TMEM74: variants seen among roughly 807,000 people sequenced by gnomAD.
The protein encoded by TMEM74 is transmembrane protein 74.
Under a neutral mutation model 18.1 loss-of-function variants are expected in TMEM74, and 13 were observed. That is an observed-to-expected ratio of 0.72 (90% CI 0.47 to 1.14). The LOEUF (loss-of-function observed/expected upper bound fraction) is 1.14, where lower values mean the gene tolerates loss of function less well. Among genes scored for constraint, TMEM74 ranks in the 50% most tolerant of loss-of-function variants. The pLI is 0.00. For missense variants in TMEM74, 372 were observed against 375.9 expected (o/e 0.99, Z 0.09); for synonymous variants, 159 against 146.6 (o/e 1.08, Z -0.61).
chr8:108,609,590 G>A (rs544634119), intron 2 of TMEM74, among the ~76,000 whole-genome samples: 14 of 152,262 alleles, frequency 9.2e-5, no homozygotes, highest in African/African-American at 3.1e-4. Flanking sequence ...AGAGGTTGGA[G>A]CAAGCCAAGA....
intron 1 of TMEM74, among the ~76,000 whole-genome samples, chr8:108,742,187 T>C (rs1161748939): frequency 6.6e-6 from 1 of 152,044 alleles, no homozygotes; most frequent in Non-Finnish European, 1.5e-5. Flanking sequence ...AAATAACTAT[T>C]GGGTACGAGG....
chr8:108,699,336 T>A (rs1221751095), intron 1 of TMEM74, among the ~76,000 whole-genome samples: 1 of 151,878 alleles, frequency 6.6e-6, no homozygotes, highest in African/African-American at 2.4e-5. Context: ...TGTGTATGTA[T>A]GTAAACTTGA....
chr8:108,703,748 A>G (rs1315136935), intron 1 of TMEM74, among the ~76,000 whole-genome samples: 2 of 152,220 alleles, frequency 1.3e-5, no homozygotes, highest in African/African-American at 2.4e-5. Flanking sequence ...AATGGCAAGT[A>G]AACAGAGGGA....
chr8:108,769,405 C>A (rs182270461), intron 1 of TMEM74, among the ~76,000 whole-genome samples: 5 of 152,190 alleles, frequency 3.3e-5, no homozygotes, highest in African/African-American at 9.6e-5. Flanking sequence ...TCTCAGCAAG[C>A]GCACTTTTCC....
intron 1 of TMEM74, among the ~76,000 whole-genome samples, chr8:108,685,529 G>T (rs1046759837): frequency 1.3e-5 from 2 of 151,966 alleles, no homozygotes; most frequent in African/African-American, 4.8e-5. Flanking sequence ...TTTAATAAAA[G>T]AAAAAGGAAA....
chr8:108,617,610 G>A (rs1460472788), intron 2 of TMEM74, among the ~76,000 whole-genome samples: 1 of 151,904 alleles, frequency 6.6e-6, no homozygotes, highest in Non-Finnish European at 1.5e-5. Flanking sequence ...TAGCTGAGGG[G>A]TATTATAATT....
chr8:108,682,248 A>T (rs1436852960), intron 1 of TMEM74, among the ~76,000 whole-genome samples: 1 of 152,016 alleles, frequency 6.6e-6, no homozygotes, highest in East Asian at 1.9e-4. Context: ...GATCATTCTC[A>T]TCTCCAGGCT....
At chr8:108,681,413 G>C (rs1254979741) in intron 1 of TMEM74, among the ~76,000 whole-genome samples, 1 of 152,104 alleles carries the variant, frequency 6.6e-6, no homozygotes, top group Non-Finnish European at 1.5e-5. Flanking sequence ...ACAAGCAATG[G>C]GGAAAGGATT....
intron 1 of TMEM74, among the ~76,000 whole-genome samples, chr8:108,756,724 AAGAAAGAAAG>A (rs1411773489): frequency 1.2e-5 from 1 of 85,722 alleles, no homozygotes; most frequent in Non-Finnish European, 2.3e-5. Context: ...AAGAAAGAGA[AAGAAAGAAAG>A]AGAAAGAAAG....
intron 2 of TMEM74, among the ~76,000 whole-genome samples, chr8:108,612,924 G>A (rs576864179): frequency 2.0e-5 from 3 of 152,196 alleles, no homozygotes; most frequent in South Asian, 4.1e-4. Context: ...CCAGTCTTCT[G>A]CTTTCTAAGT....
intron 1 of TMEM74, among the ~76,000 whole-genome samples, chr8:108,754,040 T>C (rs941077020): frequency 1.2e-4 from 19 of 152,064 alleles, no homozygotes; most frequent in Non-Finnish European, 2.4e-4. Context: ...AGCTGAGAAT[T>C]TGCTTATCTT....
At chr8:108,634,826 A>G (rs964215704) in intron 2 of TMEM74, among the ~76,000 whole-genome samples, 2 of 151,990 alleles carry the variant, frequency 1.3e-5, no homozygotes, top group African/African-American at 2.4e-5. Flanking sequence ...AGCACCAAGG[A>G]GCCTCCAGAT....
intron 1 of TMEM74, among the ~76,000 whole-genome samples, chr8:108,753,481 A>C (rs1813923615): frequency 6.6e-6 from 1 of 152,106 alleles, no homozygotes; most frequent in South Asian, 2.1e-4. Context: ...AAAACAAAAA[A>C]AGGAGGCTAT....
downstream of TMEM74, among the ~76,000 whole-genome samples, chr8:108,775,568 T>G (rs953801695): frequency 1.7e-4 from 26 of 152,214 alleles, no homozygotes; most frequent in Admixed American, 1.5e-3. Flanking sequence ...GTTTCTTTGT[T>G]TCCTGACCCA....
chr8:108,746,191 A>G (rs1224711888), intron 1 of TMEM74, among the ~76,000 whole-genome samples: 1 of 152,162 alleles, frequency 6.6e-6, no homozygotes, highest in East Asian at 1.9e-4. Context: ...ATGTTGTCCC[A>G]AGGAAAATCA....
intron 1 of TMEM74, among the ~76,000 whole-genome samples, chr8:108,752,123 A>G (rs1164176960): frequency 1.2e-4 from 19 of 152,104 alleles, no homozygotes; most frequent in Admixed American, 1.2e-3. Context: ...CTTCTAAATG[A>G]TGAAAAGGAT....
chr8:108,739,415 C>G (rs1813777798), intron 1 of TMEM74, among the ~76,000 whole-genome samples: 1 of 152,178 alleles, frequency 6.6e-6, no homozygotes, highest in African/African-American at 2.4e-5. Flanking sequence ...CCATATGTCT[C>G]CCTTGGCTTT....
At chr8:108,676,723 T>C (rs1038749582) in intron 1 of TMEM74, among the ~76,000 whole-genome samples, 9 of 152,348 alleles carry the variant, frequency 5.9e-5, no homozygotes, top group Admixed American at 5.9e-4. Flanking sequence ...GGCTGGAATT[T>C]TGTCTACATT....
chr8:108,769,079 G>C (rs1292183211), intron 1 of TMEM74, among the ~76,000 whole-genome samples: 2 of 151,758 alleles, frequency 1.3e-5, no homozygotes, highest in Non-Finnish European at 2.9e-5. Flanking sequence ...GAGGTGGGTG[G>C]ATCACTTGAG....
Sources: allele counts gnomAD v4.1 joint callset (sites outside exome capture counted in the v4.1 genomes callset), GRCh38; gene constraint gnomAD v4.1.1; transcripts MANE v1.5; gene names NCBI Gene and HGNC (gene_info 2026-07-23, HGNC 2026-07-21).